EPHA6: variants seen among roughly 807,000 people sequenced by gnomAD.
EPHA6 encodes the protein EPH receptor A6.
A neutral mutation model predicts 112.0 loss-of-function variants in EPHA6; 50 were observed. That is an observed-to-expected ratio of 0.45 (90% confidence interval 0.36 to 0.56). The LOEUF is 0.56. EPHA6 is among the 20% of genes least tolerant of loss of function. EPHA6 has a pLI of 0.00. For synonymous variants in EPHA6, 529 were observed against 490.7 expected (o/e 1.08, Z -1.03); for missense variants, 1,280 against 1,417.4 (o/e 0.90, Z 1.56).
intron 3 of EPHA6, among the ~76,000 whole-genome samples, chr3:97,051,542 T>TA (rs2045685696): frequency 6.6e-6 from 1 of 152,164 alleles, no homozygotes; most frequent in South Asian, 2.1e-4. Flanking sequence ...GAATACTTTT[T>TA]AAAAATATCT....
At chr3:97,425,943 A>T (rs1035000572) in intron 6 of EPHA6, among the ~76,000 whole-genome samples, 1 of 152,112 alleles carries the variant, frequency 6.6e-6, no homozygotes, top group East Asian at 1.9e-4. Context: ...GAAGTTCCTC[A>T]TCTCCATCTG....
intron 14 of EPHA6, among the ~76,000 whole-genome samples, chr3:97,699,857 T>G (rs978060124): frequency 6.6e-6 from 1 of 152,266 alleles, no homozygotes; most frequent in African/African-American, 2.4e-5. Flanking sequence ...TGTCTGAACT[T>G]GCCTAATGAC....
chr3:96,995,168 C>T (rs1014735640), intron 3 of EPHA6, among the ~76,000 whole-genome samples: 1 of 152,100 alleles, frequency 6.6e-6, no homozygotes, highest in Admixed American at 6.6e-5. Flanking sequence ...TGCTGCAGTT[C>T]AGAAACATTT....
At chr3:97,389,846 T>A (rs1446824005) in intron 5 of EPHA6, among the ~76,000 whole-genome samples, 2 of 152,092 alleles carry the variant, frequency 1.3e-5, no homozygotes, top group Admixed American at 6.6e-5. Context: ...GTCACAAAAA[T>A]CAGGGGAAAA....
chr3:97,127,408 G>C (rs2048212189), intron 3 of EPHA6, among the ~76,000 whole-genome samples: 1 of 152,092 alleles, frequency 6.6e-6, no homozygotes, highest in Non-Finnish European at 1.5e-5. Context: ...CTTCATGGGA[G>C]AAGGGCTGGG....
chr3:97,494,135 A>G (rs188853104), intron 10 of EPHA6, among the ~76,000 whole-genome samples: 2 of 152,308 alleles, frequency 1.3e-5, no homozygotes, highest in Admixed American at 1.3e-4. Context: ...TTCTAAAATC[A>G]GGTATTTGAC....
At chr3:97,716,628 C>G (rs1413001400) in intron 14 of EPHA6, among the ~76,000 whole-genome samples, 2 of 150,662 alleles carry the variant, frequency 1.3e-5, no homozygotes, top group Non-Finnish European at 3.0e-5. Flanking sequence ...TGTGTTTCCT[C>G]TAATGTAAGG....
intron 13 of EPHA6, among the ~76,000 whole-genome samples, chr3:97,631,919 A>G (rs301931): frequency 0.7 from 105,725 of 151,882 alleles, 39,772 homozygotes; most frequent in Middle Eastern, 0.89. Flanking sequence ...GACAGTTTCT[A>G]AGCTATTCGG....
chr3:97,058,352 C>A (rs79461849), intron 3 of EPHA6, among the ~76,000 whole-genome samples: 2,135 of 151,942 alleles, frequency 0.014, 116 homozygotes, highest in Admixed American at 0.096. Flanking sequence ...GGCTGAAGTA[C>A]AACGGCGTGA....
chr3:97,611,249 G>C (rs1222336307), intron 13 of EPHA6, among the ~76,000 whole-genome samples: 3 of 151,680 alleles, frequency 2.0e-5, no homozygotes, highest in Non-Finnish European at 3.0e-5. Flanking sequence ...CTCCTTAACT[G>C]ATCTGTATTT....
chr3:97,738,156 C>T (rs2035353873), intron 16 of EPHA6, among the ~76,000 whole-genome samples: 1 of 9,268 alleles, frequency 1.1e-4, no homozygotes, highest in African/African-American at 2.3e-4. Context: ...TACATAATAC[C>T]AATTTTTTTT....
chr3:97,672,958 G>T (rs1408370987), intron 14 of EPHA6, among the ~76,000 whole-genome samples: 1 of 152,178 alleles, frequency 6.6e-6, no homozygotes, highest in African/African-American at 2.4e-5. Flanking sequence ...GAAGGAAATG[G>T]AAACTTCACC....
intron 15 of EPHA6, among the ~76,000 whole-genome samples, chr3:97,727,203 T>C (rs2034812463): frequency 6.6e-6 from 1 of 152,072 alleles, no homozygotes; most frequent in South Asian, 2.1e-4. Context: ...CATTTATTTT[T>C]CCCTCCTTGC....
At chr3:97,607,739 C>T (rs1311148492) in intron 12 of EPHA6, among the ~76,000 whole-genome samples, 1 of 150,992 alleles carries the variant, frequency 6.6e-6, no homozygotes, top group East Asian at 1.9e-4. Context: ...TGATATGAGG[C>T]AGAAGGGGTG....
At chr3:97,673,555 G>T (rs368418172) in intron 14 of EPHA6, among the ~76,000 whole-genome samples, 19 of 152,126 alleles carry the variant, frequency 1.2e-4, no homozygotes, top group African/African-American at 4.3e-4. Flanking sequence ...GGCCCAAAAG[G>T]GTAAGATGAG....
At chr3:96,914,305 A>G (rs1028743984) in intron 2 of EPHA6, among the ~76,000 whole-genome samples, 2 of 152,156 alleles carry the variant, frequency 1.3e-5, no homozygotes, top group African/African-American at 2.4e-5. Flanking sequence ...ATTAATGACA[A>G]GTGAATGCTT....
chr3:96,858,465 G>A (rs2035823333), intron 1 of EPHA6, among the ~76,000 whole-genome samples: 1 of 152,076 alleles, frequency 6.6e-6, no homozygotes, highest in African/African-American at 2.4e-5. Flanking sequence ...AGAAGTTGGA[G>A]ATTTAGGAAG....
chr3:97,231,832 T>C, intron 4 of EPHA6, among the ~76,000 whole-genome samples: 1 of 152,210 alleles, frequency 6.6e-6, no homozygotes, highest in Non-Finnish European at 1.5e-5. Flanking sequence ...GGTGATGACT[T>C]ATAGTCGTTT....
At chr3:97,649,985 A>G (rs1008903558) in intron 14 of EPHA6, among the ~76,000 whole-genome samples, 2 of 152,152 alleles carry the variant, frequency 1.3e-5, no homozygotes, top group African/African-American at 4.8e-5. Flanking sequence ...GACAGTTTTT[A>G]TATACTTTCT....
Sources: allele counts gnomAD v4.1 joint callset (sites outside exome capture counted in the v4.1 genomes callset), GRCh38; gene constraint gnomAD v4.1.1; transcripts MANE v1.5; gene names NCBI Gene and HGNC (gene_info 2026-07-23, HGNC 2026-07-21).